SEMA6D: variants seen among roughly 807,000 people sequenced by gnomAD.
SEMA6D encodes the protein semaphorin 6D, also known as semaphorin-6D.
SEMA6D carries 35 observed loss-of-function variants against 106.6 expected under a neutral mutation model. The ratio of observed to expected loss-of-function variants is 0.33; its 90% CI spans 0.25 to 0.44. SEMA6D has a LOEUF of 0.44. Among genes scored for constraint, SEMA6D ranks in the 20% least tolerant of loss-of-function variants. SEMA6D has a pLI of 1.00. For synonymous variants in SEMA6D, 499 were observed against 487.7 expected (o/e 1.02, Z -0.31); for missense variants, 1,185 against 1,345.9 (o/e 0.88, Z 1.87).
chr15:47,760,265 A>G (rs1216425361), intron 2 of SEMA6D, 39 bp from the exon 3 acceptor site: 5 of 1,441,572 alleles, frequency 3.5e-6, no homozygotes, highest in Admixed American at 1.7e-5. Flanking sequence ...CCTCAGCTCC[A>G]TAATCCTGAA....
chr15:47,705,743 A>G (rs2078901145), intron 4 of SEMA6D, among the ~76,000 whole-genome samples: 1 of 152,156 alleles, frequency 6.6e-6, no homozygotes. Flanking sequence ...CTTGACGCAC[A>G]TTGACTTACG....
intron 3 of SEMA6D, among the ~76,000 whole-genome samples, chr15:47,554,579 A>G (rs1434043526): frequency 6.6e-6 from 1 of 152,118 alleles, no homozygotes; most frequent in Non-Finnish European, 1.5e-5. Context: ...CCAAGAGAGC[A>G]CCTTTATATT....
chr15:47,646,977 G>T (rs1478635690), intron 4 of SEMA6D, among the ~76,000 whole-genome samples: 3 of 152,164 alleles, frequency 2.0e-5, no homozygotes, highest in Non-Finnish European at 4.4e-5. Flanking sequence ...TAATTGTGCA[G>T]CAACCTACAC....
At chr15:47,214,373 ACAAG>A (rs2030357393) in intron 1 of SEMA6D, among the ~76,000 whole-genome samples, 1 of 152,180 alleles carries the variant, frequency 6.6e-6, no homozygotes, top group African/African-American at 2.4e-5. Flanking sequence ...GGAAGGCTTC[ACAAG>A]CAAAGAGAGA....
In SEMA6D at chr15:47,280,025, G is replaced by A. The variant is rs1271488699; in HGVS notation, c.-239+95607G>A. 2.2e-3 allele frequency among the ~76,000 whole-genome samples: 337 copies of A among 151,340 alleles called. 2 individuals carry two copies. The highest frequency in any genetic ancestry group is 7.9e-3 in the African/African-American group (325 of 41,250). On this transcript the variant is annotated intron_variant, in intron 1 of 19. Coordinates refer to the SEMA6D transcript ENST00000558014. ...TGTCTCTGCCCAGCTTTGGTATCAG[G>A]ATGATGCTGGCCTCATAAAATGAGT...
chr15:47,318,975 T>A (rs1051950456), intron 1 of SEMA6D, among the ~76,000 whole-genome samples: 2 of 152,190 alleles, frequency 1.3e-5, no homozygotes, highest in Non-Finnish European at 2.9e-5. Flanking sequence ...TGGTGTGAGA[T>A]GGTATCTCAT....
intron 13 of SEMA6D, among the ~76,000 whole-genome samples, chr15:47,765,650 A>G (rs750091849): frequency 1.3e-5 from 2 of 152,196 alleles, no homozygotes; most frequent in Non-Finnish European, 1.5e-5. Context: ...TCATCATAAC[A>G]GGAAAGCAAT....
At chr15:47,298,672 G>A (rs181632644) in intron 1 of SEMA6D, among the ~76,000 whole-genome samples, 14 of 152,206 alleles carry the variant, frequency 9.2e-5, no homozygotes, top group Admixed American at 9.2e-4. Context: ...TGGTGAGAGT[G>A]CCAGTTTACG....
intron 4 of SEMA6D, among the ~76,000 whole-genome samples, chr15:47,682,185 T>G (rs1203221198): frequency 1.3e-5 from 2 of 151,872 alleles, no homozygotes; most frequent in Admixed American, 6.6e-5. Flanking sequence ...TTTTTTTTTT[T>G]GATACGGAGT....
chr15:47,444,296 A>G (rs930641918), intron 2 of SEMA6D, among the ~76,000 whole-genome samples: 10 of 152,194 alleles, frequency 6.6e-5, no homozygotes, highest in Non-Finnish European at 1.2e-4. Context: ...GGATATTCAC[A>G]AAGGAGAAAG....
intron 3 of SEMA6D, among the ~76,000 whole-genome samples, chr15:47,544,802 G>C (rs56969464): frequency 1.9e-4 from 28 of 146,530 alleles, no homozygotes; most frequent in South Asian, 1.7e-3. Flanking sequence ...GGGGTGGGGG[G>C]ACTCGTATTT....
intron 4 of SEMA6D, among the ~76,000 whole-genome samples, chr15:47,640,639 G>A (rs2077471850): frequency 6.6e-6 from 1 of 152,140 alleles, no homozygotes; most frequent in African/African-American, 2.4e-5. Flanking sequence ...AGCCTTAGGT[G>A]ATGTATTGGA....
Position 47,562,035 on chromosome 15 carries a change from A to T in SEMA6D, c.-86-38830A>T, listed in dbSNP as rs369409771. ...CAAAAGAACAAAATACCTGATTTGA[A>T]GGTATATTATTAATGTAAAGCTACA... On this transcript the variant is annotated intron_variant, in intron 3 of 19. Coordinates refer to the SEMA6D transcript ENST00000558014. Among the ~76,000 whole-genome samples the T allele has an allele frequency of 2.6e-5, 4 of 152,054 alleles. No individual in the cohort carries two copies. In the East Asian group the frequency reaches 5.8e-4, roughly 22 times the overall value.
intron 3 of SEMA6D, among the ~76,000 whole-genome samples, chr15:47,484,542 GTTTAT>G (rs1400429490): frequency 1.3e-5 from 2 of 152,056 alleles, no homozygotes; most frequent in Non-Finnish European, 2.9e-5. Flanking sequence ...GAATCCTATT[GTTTAT>G]TTTATTTCCA....
At chr15:47,679,653 A>G (rs757127521) in intron 4 of SEMA6D, among the ~76,000 whole-genome samples, 1 of 152,066 alleles carries the variant, frequency 6.6e-6, no homozygotes, top group Non-Finnish European at 1.5e-5. Context: ...AGTGCTTCAC[A>G]GTGTGTATTT....
chr15:47,214,332 G>A (rs1330424567), intron 1 of SEMA6D, among the ~76,000 whole-genome samples: 1 of 152,070 alleles, frequency 6.6e-6, no homozygotes. Flanking sequence ...GGTATTAGCG[G>A]GGATTAGGAC....
intron 3 of SEMA6D, among the ~76,000 whole-genome samples, chr15:47,490,860 T>G (rs534215325): frequency 8.5e-5 from 13 of 152,290 alleles, no homozygotes; most frequent in African/African-American, 3.1e-4. Flanking sequence ...GAAAATATGC[T>G]CCATCTAATT....
chr15:47,261,976 T>C (rs1025473225), intron 1 of SEMA6D, among the ~76,000 whole-genome samples: 5 of 152,120 alleles, frequency 3.3e-5, no homozygotes, highest in Admixed American at 3.3e-4. Context: ...TGAATAATGA[T>C]ACTATAAACA....
chr15:47,216,458 G>A (rs559682918), intron 1 of SEMA6D, among the ~76,000 whole-genome samples: 12 of 152,200 alleles, frequency 7.9e-5, no homozygotes, highest in East Asian at 3.9e-4. Context: ...CAGAATATGC[G>A]TAATAGCATA....
Sources: allele counts gnomAD v4.1 joint callset (sites outside exome capture counted in the v4.1 genomes callset), GRCh38; gene constraint gnomAD v4.1.1; transcripts MANE v1.5; gene names NCBI Gene and HGNC (gene_info 2026-07-23, HGNC 2026-07-21).